Variants in IQSEC1 observed in about 807,000 individuals in gnomAD.
IQSEC1 encodes the protein IQ motif and SEC7 domain-containing protein 1.
Under a neutral mutation model 91.0 loss-of-function variants are expected in IQSEC1, and 31 were observed. The ratio of observed to expected loss-of-function variants is 0.34; its 90% CI spans 0.26 to 0.46. The LOEUF (loss-of-function observed/expected upper bound fraction) is 0.46. IQSEC1 is among the 20% of genes least tolerant of loss of function. The probability of loss-of-function intolerance (pLI) is 1.00; values close to 1 mark genes in which losing one functional copy is unlikely to be tolerated. For missense variants in IQSEC1, 1,388 were observed against 1,575.6 expected (o/e 0.88, Z 2.02); for synonymous variants, 699 against 662.6 (o/e 1.05, Z -0.84).
intron 12 of IQSEC1, among the ~76,000 whole-genome samples, chr3:12,905,121 C>G (rs1694829998): frequency 6.6e-6 from 1 of 152,258 alleles, no homozygotes; most frequent in African/African-American, 2.4e-5. Context: ...CGTACGCAGC[C>G]TCCCACACCT....
At chr3:12,917,309 T>A (rs1696190908) in intron 6 of IQSEC1, among the ~76,000 whole-genome samples, 1 of 152,150 alleles carries the variant, frequency 6.6e-6, no homozygotes, top group African/African-American at 2.4e-5. Flanking sequence ...TTCTGTGGGT[T>A]TGGGCAAACG....
intron 2 of IQSEC1, among the ~76,000 whole-genome samples, chr3:13,113,382 C>T (rs1202053353): frequency 2.0e-5 from 3 of 152,242 alleles, no homozygotes; most frequent in African/African-American, 7.2e-5. Flanking sequence ...TGGCCAGCCC[C>T]TTGACCTCTC....
At chr3:13,102,334 C>G (rs913673958) in intron 2 of IQSEC1, among the ~76,000 whole-genome samples, 2 of 151,984 alleles carry the variant, frequency 1.3e-5, no homozygotes, top group African/African-American at 4.8e-5. Context: ...GAACAAACAC[C>G]CATCCTAGAG....
chr3:13,066,568 G>A (rs771251827), intron 1 of IQSEC1, among the ~76,000 whole-genome samples: 32 of 152,210 alleles, frequency 2.1e-4, no homozygotes, highest in Admixed American at 9.8e-4. Context: ...GGCAGGGTGA[G>A]CCTTCCAGGC....
intron 1 of IQSEC1, among the ~76,000 whole-genome samples, chr3:13,248,866 C>A (rs1695148448): frequency 7.7e-5 from 7 of 91,488 alleles, no homozygotes; most frequent in South Asian, 3.3e-4. Flanking sequence ...CACAGCTGCA[C>A]AGAGAGATTG....
At position 13,109,918 on chromosome 3, in the gene IQSEC1, TG is replaced by T. The variant is rs202113271; in HGVS notation, c.302+54185del. Reference sequence around the variant, plus strand: ...TTTTTTTTTTGAGACGGAGTCTAGCTGTCGCTCAGGCTTGAGTGCAGTGGCG... The same window carrying T: ...TTTTTTTTTTGAGACGGAGTCTAGCTTCGCTCAGGCTTGAGTGCAGTGGCG... On this transcript the variant is annotated intron_variant, in intron 2 of 15. Transcript: ENST00000648114. 6.2e-3 allele frequency among the ~76,000 whole-genome samples: 909 copies of T among 146,164 alleles called. 10 individuals carry two copies. The highest frequency in any genetic ancestry group is 0.022 in the African/African-American group (873 of 39,232).
intron 1 of IQSEC1, among the ~76,000 whole-genome samples, chr3:13,280,570 T>C (rs1695772037): frequency 6.6e-6 from 1 of 152,086 alleles, no homozygotes; most frequent in Admixed American, 6.5e-5. Context: ...GGCTGCTCCA[T>C]CTTGAAGGGA....
intron 2 of IQSEC1, among the ~76,000 whole-genome samples, chr3:13,110,951 C>T (rs1292097530): frequency 2.0e-5 from 3 of 152,218 alleles, no homozygotes; most frequent in African/African-American, 7.2e-5. Flanking sequence ...ACCGCACCAG[C>T]TGTCACCCCC....
chr3:13,171,243 T>C (rs9870037), intron 1 of IQSEC1, among the ~76,000 whole-genome samples: 108,138 of 152,150 alleles, frequency 0.71, 39,801 homozygotes, highest in African/African-American at 0.91. Context: ...AACTGAGGCT[T>C]AGACAGATGA....
chr3:13,203,289 A>G (rs1694280203), intron 1 of IQSEC1, among the ~76,000 whole-genome samples: 1 of 152,142 alleles, frequency 6.6e-6, no homozygotes, highest in Non-Finnish European at 1.5e-5. Context: ...CCTGCAGCTG[A>G]GGCGTAGCAA....
Position 13,082,891 on chromosome 3 carries a change from A to G in IQSEC1, c.303-35369T>C, listed in dbSNP as rs374923476. ...CCACTCCCAAGCTCTTCCCGGCCCC[A>G]GGGCCTTTGCACGACTGCCACCCTC... On this transcript the variant is annotated intron_variant, in intron 2 of 15. Transcript: ENST00000648114. Among the ~76,000 whole-genome samples the G allele has an allele frequency of 2.1e-3, 318 of 152,160 alleles. 15 individuals are homozygous for G. The South Asian group carries it at 0.064, about 31-fold the overall frequency.
intron 2 of IQSEC1, among the ~76,000 whole-genome samples, chr3:13,162,049 G>A (rs564634568): frequency 2.0e-5 from 3 of 152,284 alleles, no homozygotes; most frequent in South Asian, 2.1e-4. Flanking sequence ...CTGATGATCC[G>A]CTGGAGTGAA....
At chr3:13,026,893 T>C (rs1173724584) in intron 1 of IQSEC1, among the ~76,000 whole-genome samples, 1 of 142,604 alleles carries the variant, frequency 7.0e-6, no homozygotes, top group African/African-American at 2.6e-5. Flanking sequence ...GTTTTTTTTT[T>C]TACCAATTAA....
intron 6 of IQSEC1, among the ~76,000 whole-genome samples, chr3:12,917,609 T>C (rs1696224296): frequency 1.3e-5 from 2 of 152,236 alleles, no homozygotes; most frequent in South Asian, 2.1e-4. Flanking sequence ...TATTCCACTG[T>C]CTGGAGGCAC....
chr3:13,132,736 T>TGTATC (rs757437355), intron 2 of IQSEC1, among the ~76,000 whole-genome samples: 3 of 152,326 alleles, frequency 2.0e-5, no homozygotes. Context: ...CCATGCATCT[T>TGTATC]GTCCATGTGG....
At chr3:13,048,003 A>C (rs974496213) in intron 1 of IQSEC1, among the ~76,000 whole-genome samples, 1 of 152,096 alleles carries the variant, frequency 6.6e-6, no homozygotes, top group African/African-American at 2.4e-5. Flanking sequence ...CTCGGCGTCC[A>C]GCTCTGGATC....
intron 2 of IQSEC1, among the ~76,000 whole-genome samples, chr3:13,137,229 A>G (rs976142635): frequency 2.6e-5 from 4 of 152,228 alleles, no homozygotes; most frequent in Non-Finnish European, 5.9e-5. Flanking sequence ...CAAAGCAGAT[A>G]TGAGAAAATC....
At chr3:13,263,592 G>A (rs1354538914) in intron 1 of IQSEC1, among the ~76,000 whole-genome samples, 2 of 152,042 alleles carry the variant, frequency 1.3e-5, no homozygotes, top group Non-Finnish European at 2.9e-5. Flanking sequence ...GCAGGCACGC[G>A]CCACCACGCC....
At chr3:13,250,643 T>C (rs1695179832) in intron 1 of IQSEC1, among the ~76,000 whole-genome samples, 2 of 139,924 alleles carry the variant, frequency 1.4e-5, no homozygotes, top group Admixed American at 7.1e-5. Flanking sequence ...TTTTATTTTA[T>C]TTTAGTAGAG....
Sources: allele counts gnomAD v4.1 joint callset (sites outside exome capture counted in the v4.1 genomes callset), GRCh38; gene constraint gnomAD v4.1.1; transcripts MANE v1.5; gene names NCBI Gene and HGNC (gene_info 2026-07-23, HGNC 2026-07-21).